Variants in STK32B observed in about 807,000 individuals in gnomAD.
STK32B encodes serine/threonine kinase 32B.
Under a neutral mutation model 52.6 loss-of-function variants are expected in STK32B, and 43 were observed. That is an observed-to-expected ratio of 0.82 (90% CI 0.64 to 1.05). The LOEUF (loss-of-function observed/expected upper bound fraction) is 1.05. Among genes scored for constraint, STK32B ranks in the 50% least tolerant of loss-of-function variants. The pLI is 0.00. For missense variants in STK32B, 621 were observed against 534.6 expected, an observed-to-expected ratio of 1.16 and a Z score of -1.59; for synonymous variants, 238 against 204.3, an observed-to-expected ratio of 1.17 and a Z score of -1.41.
rs559056159 is a variant in STK32B at position 5,432,542 on chromosome 4, TATGAATAGGAGTTC to T, written c.563-14109_563-14096del. Among the ~76,000 whole-genome samples the T allele has an allele frequency of 4.3e-3, 649 of 151,708 alleles. 2 individuals are homozygous for T. The highest frequency in any genetic ancestry group is 0.015 in the African/African-American group (607 of 41,306). ...GTGAAATGTGGTCTGAGTCTTGAAGTATGAATAGGAGTTCATGAATAGGAGTTCATGAATATGAA... is the reference window on the plus strand; with the variant it reads ...GTGAAATGTGGTCTGAGTCTTGAAGTATGAATAGGAGTTCATGAATATGAA... On this transcript the variant is annotated intron_variant, in intron 6 of 11. Coordinates refer to ENST00000282908, the MANE Select transcript of STK32B (RefSeq NM_018401.3).
At position 5,386,128 on chromosome 4, in the gene STK32B, CCA is replaced by C. The variant is rs911796970; in HGVS notation, c.435-12076_435-12075del. The stretch of plus-strand genomic sequence containing the variant: ...ACAGGCCCCACCCACAGCTCTTGGC[CCA>C]CAGTTCCTGGCCTTTGTACTCCCTG... On this transcript the variant is annotated intron_variant, in intron 4 of 11. Transcript: ENST00000282908. This position sits in a 1 kb window ranked among gnomAD's most constrained non-coding sequence, Gnocchi z 4.5. Among the ~76,000 whole-genome samples, 1 of 151,774 alleles carries C rather than the reference CCA, an allele frequency of 6.6e-6. No homozygotes were observed. The highest frequency in any genetic ancestry group is 2.4e-5 in the African/African-American group (1 of 41,288).
At chr4:5,295,443 A>G (rs949017218) in intron 3 of STK32B, among the ~76,000 whole-genome samples, 1 of 152,112 alleles carries the variant, frequency 6.6e-6, no homozygotes, top group African/African-American at 2.4e-5. Context: ...TACTGCCTCA[A>G]TTTCAGAACT....
chr4:5,137,516 C>T (rs1353962783), intron 1 of STK32B, among the ~76,000 whole-genome samples: 1 of 112,338 alleles, frequency 8.9e-6, no homozygotes, highest in Non-Finnish European at 2.1e-5. Context: ...TGCTCCTCAC[C>T]CCCAACACAG....
chr4:5,301,703 A>T (rs1414512397), intron 3 of STK32B, among the ~76,000 whole-genome samples: 5 of 124,066 alleles, frequency 4.0e-5, no homozygotes, highest in East Asian at 2.4e-4. Context: ...AAGTTTTGTA[A>T]TTTTTGTCAC....
At chr4:5,452,290 T>C (rs1024390602) in intron 7 of STK32B, among the ~76,000 whole-genome samples, 3 of 150,052 alleles carry the variant, frequency 2.0e-5, no homozygotes, top group Non-Finnish European at 4.5e-5. Context: ...TGGAGGGAGG[T>C]TGCCCAGAGC....
rs191032851 is a variant in STK32B, at chr4:5,218,064, C to G, written c.260+49614C>G. Among the ~76,000 whole-genome samples the G allele has an allele frequency of 7.2e-5, 11 of 152,158 alleles. No individual in the cohort carries two copies. The East Asian group carries it at 2.1e-3, about 29-fold the overall frequency. ...ATCAGTGGGTCAAGTGCCTCATTACCAACCTTTCAGGACTCTTTAAATTGC... is the reference window on the plus strand; with the variant it reads ...ATCAGTGGGTCAAGTGCCTCATTACGAACCTTTCAGGACTCTTTAAATTGC... On this transcript the variant is annotated intron_variant, in intron 3 of 11. Coordinates refer to ENST00000282908, the MANE Select transcript of STK32B (RefSeq NM_018401.3).
At chr4:5,233,669 G>A (rs1724427201) in intron 3 of STK32B, among the ~76,000 whole-genome samples, 1 of 151,198 alleles carries the variant, frequency 6.6e-6, no homozygotes, top group Non-Finnish European at 1.5e-5. Context: ...CTGGGGATGG[G>A]GACATCTAGT....
At chr4:5,134,417 C>T (rs1165507964) in intron 1 of STK32B, among the ~76,000 whole-genome samples, 10 of 152,136 alleles carry the variant, frequency 6.6e-5, no homozygotes, top group East Asian at 1.9e-4. Context: ...TGTTATCTTG[C>T]GCTCTCCTGC....
intron 1 of STK32B, among the ~76,000 whole-genome samples, chr4:5,070,961 C>G (rs1428732182): frequency 6.6e-6 from 1 of 152,170 alleles, no homozygotes; most frequent in Admixed American, 6.5e-5. Context: ...CGTATAACCT[C>G]TGCTCCTGTA....
intron 1 of STK32B, among the ~76,000 whole-genome samples, chr4:5,085,665 A>C (rs1173045585): frequency 6.6e-6 from 1 of 152,234 alleles, no homozygotes; most frequent in African/African-American, 2.4e-5. Flanking sequence ...ATAAAAAAGC[A>C]TTGATAAAAT....
chr4:5,494,588 AT>A (rs1720052028), intron 11 of STK32B, among the ~76,000 whole-genome samples: 1 of 152,084 alleles, frequency 6.6e-6, no homozygotes, highest in Admixed American at 6.6e-5. Context: ...TAAGGTTAAT[AT>A]TGTTATGTGT....
At chr4:5,077,929 A>G (rs1265371410) in intron 1 of STK32B, among the ~76,000 whole-genome samples, 1 of 152,186 alleles carries the variant, frequency 6.6e-6, no homozygotes, top group Non-Finnish European at 1.5e-5. Flanking sequence ...GTAATTAACA[A>G]GAAGTCCAGA....
the STK32B span, among the ~76,000 whole-genome samples, chr4:5,021,875 C>A: frequency 3.3e-5 from 5 of 152,112 alleles, no homozygotes; most frequent in East Asian, 9.6e-4. Flanking sequence ...CCTGAGGAGT[C>A]ACAGTCAGTG....
intron 3 of STK32B, among the ~76,000 whole-genome samples, chr4:5,205,706 GTGTGT>G (rs1722524215): frequency 2.6e-5 from 1 of 38,986 alleles, no homozygotes; most frequent in South Asian, 1.2e-3. Flanking sequence ...GCGCGCGCGT[GTGTGT>G]GTGTGTGTGT....
chr4:5,174,078 T>A (rs1719616818), intron 3 of STK32B, among the ~76,000 whole-genome samples: 1 of 152,160 alleles, frequency 6.6e-6, no homozygotes, highest in African/African-American at 2.4e-5. Flanking sequence ...TCTCTTTTGA[T>A]CTTTGTTGGT....
At chr4:5,129,020 C>T (rs1224014687) in intron 1 of STK32B, among the ~76,000 whole-genome samples, 4 of 152,186 alleles carry the variant, frequency 2.6e-5, no homozygotes, top group Admixed American at 6.5e-5. Context: ...GCCTGTGAGA[C>T]TGTGGCCTTG....
chr4:5,451,803 G>A (rs544572323), intron 7 of STK32B, among the ~76,000 whole-genome samples: 46 of 152,322 alleles, frequency 3.0e-4, no homozygotes, highest in African/African-American at 1.1e-3. Flanking sequence ...CTGGGGGACA[G>A]TTGTCCCTGA....
chr4:5,083,600 A>G (rs1712554723), intron 1 of STK32B, among the ~76,000 whole-genome samples: 1 of 152,340 alleles, frequency 6.6e-6, no homozygotes, highest in South Asian at 2.1e-4. Context: ...TTAAACTATT[A>G]AAGGCTAGAA....
intron 11 of STK32B, among the ~76,000 whole-genome samples, chr4:5,495,071 G>A (rs907685388): frequency 5.9e-5 from 9 of 151,994 alleles, no homozygotes; most frequent in Admixed American, 5.9e-4. Flanking sequence ...TGCTCTTCTC[G>A]AGGAGTATCT....
Sources: allele counts gnomAD v4.1 joint callset (sites outside exome capture counted in the v4.1 genomes callset), GRCh38; gene constraint gnomAD v4.1.1; non-coding constraint Gnocchi (gnomAD v3.1); transcripts MANE v1.5; gene names NCBI Gene and HGNC (gene_info 2026-07-23, HGNC 2026-07-21).